CSMD1: variants seen among roughly 807,000 people sequenced by gnomAD.
The protein encoded by CSMD1 is CUB and sushi domain-containing protein 1.
A neutral mutation model predicts 417.5 loss-of-function variants in CSMD1; 213 were observed. The observed-to-expected ratio is 0.51, with a 90% CI of 0.46 to 0.57. The LOEUF is 0.57. CSMD1 is among the 20% of genes least tolerant of loss of function. The pLI is 0.00. For synonymous variants in CSMD1, 2,862 were observed against 1,736.8 expected, an observed-to-expected ratio of 1.65 and a Z score of -16.11; for missense variants, 6,923 against 4,529.7, an observed-to-expected ratio of 1.53 and a Z score of -15.17.
chr8:4,848,142 G>A (rs527877144), intron 1 of CSMD1, among the ~76,000 whole-genome samples: 6 of 152,278 alleles, frequency 3.9e-5, no homozygotes, highest in Admixed American at 2.0e-4. Context: ...GCTGCAGCAT[G>A]TATTAGTACT....
intron 41 of CSMD1, among the ~76,000 whole-genome samples, chr8:3,137,404 T>C (rs1818166541): frequency 6.6e-6 from 1 of 152,134 alleles, no homozygotes; most frequent in Non-Finnish European, 1.5e-5. Flanking sequence ...AATAAACACC[T>C]CAAGTATGGA....
chr8:3,399,248 G>C, intron 16 of CSMD1, 143 bp downstream of exon 16: 2 of 668,340 alleles, frequency 3.0e-6, no homozygotes, highest in Non-Finnish European at 2.4e-6. Flanking sequence ...AAACTTACAA[G>C]TAAGTGCCTG....
intron 3 of CSMD1, among the ~76,000 whole-genome samples, chr8:4,419,432 T>C (rs1029465350): frequency 3.9e-5 from 6 of 152,132 alleles, no homozygotes; most frequent in African/African-American, 1.2e-4. Flanking sequence ...ACCTCAAAGG[T>C]ATCTAGGCAC....
chr8:3,392,139 G>C (rs1376769078), intron 17 of CSMD1, among the ~76,000 whole-genome samples: 1 of 150,880 alleles, frequency 6.6e-6, no homozygotes, highest in African/African-American at 2.4e-5. Flanking sequence ...ATAGCATTAG[G>C]AGATATACCT....
chr8:3,294,680 G>T (rs1237420516), intron 25 of CSMD1, among the ~76,000 whole-genome samples: 1 of 152,170 alleles, frequency 6.6e-6, no homozygotes, highest in African/African-American at 2.4e-5. Flanking sequence ...AGCAAGCCCA[G>T]TATTAGGGTG....
chr8:3,308,998 A>G (rs1195756127), intron 23 of CSMD1, among the ~76,000 whole-genome samples: 1 of 152,122 alleles, frequency 6.6e-6, no homozygotes, highest in African/African-American at 2.4e-5. Flanking sequence ...TGCTGGGATT[A>G]CAGGCGTGAG....
At chr8:3,915,958 C>T (rs761702131) in intron 5 of CSMD1, among the ~76,000 whole-genome samples, 5 of 150,958 alleles carry the variant, frequency 3.3e-5, no homozygotes, top group Admixed American at 6.6e-5. Flanking sequence ...TTTAGGTAAA[C>T]GGACTGGAAG....
intron 51 of CSMD1, among the ~76,000 whole-genome samples, chr8:3,019,064 C>T (rs1809126600): frequency 1.3e-5 from 2 of 152,088 alleles, no homozygotes; most frequent in African/African-American, 4.8e-5. Context: ...ATTAAAGGCG[C>T]CTGCCACCAT....
At chr8:4,326,424 T>G (rs998629983) in intron 3 of CSMD1, among the ~76,000 whole-genome samples, 1 of 152,086 alleles carries the variant, frequency 6.6e-6, no homozygotes, top group African/African-American at 2.4e-5. Context: ...GGAAAACCAA[T>G]TAGGCAGCTA....
At chr8:3,837,691 G>C (rs1270041737) in intron 5 of CSMD1, among the ~76,000 whole-genome samples, 1 of 152,124 alleles carries the variant, frequency 6.6e-6, no homozygotes, top group Non-Finnish European at 1.5e-5. Flanking sequence ...TCTTGAGTAG[G>C]AAGAGTAATA....
chr8:3,421,641 C>A (rs139345779), intron 12 of CSMD1, among the ~76,000 whole-genome samples: 84 of 152,128 alleles, frequency 5.5e-4, no homozygotes, highest in African/African-American at 1.9e-3. Context: ...CTACAGATGT[C>A]TTTTTCTTTT....
chr8:3,579,579 A>T lies in CSMD1; in HGVS notation c.1223-4513T>A, dbSNP rs541458307. On this transcript the variant is annotated intron_variant, in intron 9 of 69. Coordinates refer to ENST00000635120, the MANE Select transcript of CSMD1 (RefSeq NM_033225.6). ...ATCATTTTTATCAAGCACAAATTTT[A>T]CGTCCAGATTGTGAACCATAATGAA... 4.6e-5 allele frequency among the ~76,000 whole-genome samples: 7 copies of T among 152,266 alleles called. No individual in the cohort carries two copies. In the South Asian group the frequency reaches 1.4e-3, roughly 32 times the overall value.
At chr8:4,960,869 AT>A (rs1809430799) in intron 1 of CSMD1, among the ~76,000 whole-genome samples, 1 of 152,238 alleles carries the variant, frequency 6.6e-6, no homozygotes, top group African/African-American at 2.4e-5. Context: ...TAAAATGTTT[AT>A]TTTTAAAAGA....
At chr8:3,758,785 G>A (rs1797821410) in intron 5 of CSMD1, among the ~76,000 whole-genome samples, 1 of 152,172 alleles carries the variant, frequency 6.6e-6, no homozygotes, top group South Asian at 2.1e-4. Context: ...CACCTGACAT[G>A]GCTCATGAGG....
At chr8:4,157,934 G>C (rs977880771) in intron 3 of CSMD1, among the ~76,000 whole-genome samples, 1 of 152,182 alleles carries the variant, frequency 6.6e-6, no homozygotes, top group Non-Finnish European at 1.5e-5. Flanking sequence ...TAAGCAAGCT[G>C]TAAGGTTCAG....
chr8:4,806,945 A>C (rs1425053318), intron 1 of CSMD1, among the ~76,000 whole-genome samples: 1 of 152,244 alleles, frequency 6.6e-6, no homozygotes, highest in Non-Finnish European at 1.5e-5. Context: ...GCTATTATTT[A>C]TGTTCAATTC....
intron 3 of CSMD1, among the ~76,000 whole-genome samples, chr8:4,301,282 C>G (rs1020699500): frequency 1.4e-4 from 21 of 152,292 alleles, no homozygotes; most frequent in African/African-American, 3.9e-4. Flanking sequence ...AGTCAACAAG[C>G]AAAATGCCTT....
intron 3 of CSMD1, among the ~76,000 whole-genome samples, chr8:4,151,586 G>C (rs1301577285): frequency 1.3e-5 from 2 of 152,036 alleles, no homozygotes; most frequent in Admixed American, 6.6e-5. Flanking sequence ...TGTTATCCTT[G>C]TCAGATATGT....
intron 1 of CSMD1, among the ~76,000 whole-genome samples, chr8:4,900,117 C>T (rs771351487): frequency 2.6e-5 from 4 of 152,164 alleles, no homozygotes; most frequent in Non-Finnish European, 5.9e-5. Context: ...CTTCCCATGC[C>T]TGGCTTTTGT....
Sources: gnomAD v4.1 joint callset for allele counts (sites outside exome capture counted in the v4.1 genomes callset) on GRCh38, gnomAD v4.1.1 for gene constraint, MANE v1.5 for transcripts, NCBI Gene and HGNC (gene_info 2026-07-23, HGNC 2026-07-21) for gene names.